Variants in GLYATL2 observed in about 807,000 individuals in gnomAD.
The protein encoded by GLYATL2 is glycine N-acyltransferase-like protein 2.
In GLYATL2, 25 loss-of-function variants were observed where a neutral mutation model predicts 21.4. That is an observed-to-expected ratio of 1.17 (90% CI 0.85 to 1.63). The LOEUF is 1.63. GLYATL2 is among the 40% of genes most tolerant of loss of function. The probability of loss-of-function intolerance (pLI) is 0.00; values close to 1 mark genes in which losing one functional copy is unlikely to be tolerated. For synonymous variants in GLYATL2, 114 were observed against 118.2 expected (o/e 0.96, Z 0.23); for missense variants, 361 against 343.3 (o/e 1.05, Z -0.41).
At chr11:58,861,899 G>T (rs1853938299) in intron 1 of GLYATL2, among the ~76,000 whole-genome samples, 1 of 151,926 alleles carries the variant, frequency 6.6e-6, no homozygotes, top group Non-Finnish European at 1.5e-5. Context: ...TAAATAATAT[G>T]ATTTCAGTAT....
At chr11:58,838,395 G>A in intron 2 of GLYATL2, 27 bp from the exon 3 acceptor site, 1 of 1,421,824 alleles carries the variant, frequency 7.0e-7, no homozygotes, top group East Asian at 2.3e-5. Context: ...CAAAGCAGGA[G>A]AGGATGAAGT....
intron 1 of GLYATL2, among the ~76,000 whole-genome samples, chr11:58,897,750 G>A (rs1339813745): frequency 2.0e-5 from 3 of 152,008 alleles, no homozygotes; most frequent in Admixed American, 2.0e-4. Flanking sequence ...TATATCTAAG[G>A]TAAAACTTTT....
At chr11:58,873,563 G>A (rs948784597) in intron 1 of GLYATL2, among the ~76,000 whole-genome samples, 7 of 152,104 alleles carry the variant, frequency 4.6e-5, no homozygotes, top group Admixed American at 1.3e-4. Flanking sequence ...TTTGTCTTTG[G>A]TTCTGTTTAT....
intron 1 of GLYATL2, chr11:58,878,498 G>C (rs1565102889): frequency 5.1e-6 from 1 of 197,012 alleles, no homozygotes; most frequent in African/African-American, 2.3e-5. Context: ...AATGGACTAG[G>C]TCTAGGAATG....
In GLYATL2 at chr11:58,853,560, T is replaced by A. The variant is rs566159130; in HGVS notation, n.61-15192A>T. Among the ~76,000 whole-genome samples the A allele has an allele frequency of 1.8e-3, 271 of 152,310 alleles. 2 individuals are homozygous for A. Among genetic ancestry groups the A allele is most frequent in the African/African-American group, 6.2e-3 (256 of 41,572 alleles). On this transcript the variant is annotated intron_variant and non_coding_transcript_variant, in intron 1 of 4. Transcript: ENST00000533636. ...ATATGTTTGGGTGGGCTCTGACACC[T>A]TTTAGAAAATCACGGCCAGGAGAAA... is the stretch of plus-strand genomic sequence containing the variant.
At position 58,837,024 on chromosome 11, in the gene GLYATL2, T is replaced by C. The variant is rs781405996; in HGVS notation, c.467A>G (p.Asp156Gly). Residue 156 changes from aspartate (D) to glycine (G), a missense_variant, in exon 5 of 6, where the codon GAT becomes GGT. Asp to Gly is a moderately conservative substitution (Grantham distance 94, BLOSUM62 -1). Coordinates refer to ENST00000287275, the MANE Select transcript of GLYATL2 (RefSeq NM_145016.4). ...AAAGGTAAAATCTCACTTGTTATCA[T>C]CATCCACTTCAAATAACTCCATCTT... is the stretch of plus-strand genomic sequence containing the variant. ...NDKMELFEVD[D>G]DNKEGNFSNM... 3 of 1,612,198 alleles carry C rather than the reference T, an allele frequency of 1.9e-6. No homozygotes were observed. The highest frequency in any genetic ancestry group is 2.5e-6 in the Non-Finnish European group (3 of 1,179,278).
chr11:58,860,438 T>C (rs1853911292), intron 1 of GLYATL2, among the ~76,000 whole-genome samples: 1 of 152,134 alleles, frequency 6.6e-6, no homozygotes, highest in African/African-American at 2.4e-5. Context: ...CACTGATTTA[T>C]GTATGTTCAT....
intron 1 of GLYATL2, among the ~76,000 whole-genome samples, chr11:58,841,953 GGAA>G (rs1272126916): frequency 6.6e-6 from 1 of 152,136 alleles, no homozygotes; most frequent in Non-Finnish European, 1.5e-5. Flanking sequence ...GACCAGGAAA[GGAA>G]GAAGAACATG....
upstream of GLYATL2, chr11:58,905,809 C>G: frequency 2.6e-6 from 1 of 383,894 alleles, no homozygotes; most frequent in South Asian, 1.9e-5. Context: ...GCGCGTGCGC[C>G]CAGGCGTGCA....
chr11:58,841,333 G>A (rs539988051), intron 1 of GLYATL2, among the ~76,000 whole-genome samples: 1 of 152,246 alleles, frequency 6.6e-6, no homozygotes, highest in Admixed American at 6.5e-5. Context: ...TCCTCCTCTG[G>A]CTATCTGGGT....
At chr11:58,864,533 A>G (rs1250365046) in intron 1 of GLYATL2, among the ~76,000 whole-genome samples, 2 of 149,002 alleles carry the variant, frequency 1.3e-5, no homozygotes, top group Non-Finnish European at 3.0e-5. Flanking sequence ...TCCAAACCAA[A>G]GTTCAGTGCT....
chr11:58,858,072 A>G (rs1853863363), intron 1 of GLYATL2, among the ~76,000 whole-genome samples: 1 of 152,234 alleles, frequency 6.6e-6, no homozygotes, highest in Admixed American at 6.5e-5. Flanking sequence ...GCTGTACAGT[A>G]TAAATTTTAA....
intron 1 of GLYATL2, among the ~76,000 whole-genome samples, chr11:58,883,765 G>A (rs549253010): frequency 6.6e-6 from 1 of 151,974 alleles, no homozygotes; most frequent in Non-Finnish European, 1.5e-5. Context: ...ACACAACAAA[G>A]AAAGAGAATT....
intron 1 of GLYATL2, among the ~76,000 whole-genome samples, chr11:58,889,335 G>A (rs7124207): frequency 0.95 from 144,644 of 151,992 alleles, 69,237 homozygotes; most frequent in East Asian, 1. Context: ...ACTGTACTCT[G>A]CAAACAAAGT....
chr11:58,885,544 A>C, intron 1 of GLYATL2: 1 of 450,278 alleles, frequency 2.2e-6, no homozygotes, highest in Non-Finnish European at 4.5e-6. Context: ...CAAAACAGGT[A>C]GGCACACAAA....
chr11:58,864,566 A>T (rs1310164244), intron 1 of GLYATL2, among the ~76,000 whole-genome samples: 2 of 148,738 alleles, frequency 1.3e-5, no homozygotes, highest in Admixed American at 6.9e-5. Flanking sequence ...CTTCTTCAAC[A>T]CAAAGGTTGC....
intron 1 of GLYATL2, among the ~76,000 whole-genome samples, chr11:58,859,687 T>C (rs1001065160): frequency 6.6e-6 from 1 of 152,188 alleles, no homozygotes; most frequent in Non-Finnish European, 1.5e-5. Context: ...CCAAAAATCA[T>C]TGCCCCAACT....
At chr11:58,839,713 A>T (rs1319117959) in intron 1 of GLYATL2, 61 bp from the exon 2 acceptor site, 2 of 759,996 alleles carry the variant, frequency 2.6e-6, no homozygotes, top group Admixed American at 4.9e-5. Context: ...TCCAGAAAGA[A>T]GAGGAAGGAG....
At chr11:58,891,024 T>G (rs1276509617) in intron 1 of GLYATL2, among the ~76,000 whole-genome samples, 1 of 152,188 alleles carries the variant, frequency 6.6e-6, no homozygotes, top group Admixed American at 6.5e-5. Flanking sequence ...TTTGAATATT[T>G]ACTTGGCCAT....
Sources: gnomAD v4.1 joint callset for allele counts (sites outside exome capture counted in the v4.1 genomes callset) on GRCh38, gnomAD v4.1.1 for gene constraint, MANE v1.5 for transcripts, NCBI Gene and HGNC (gene_info 2026-07-23, HGNC 2026-07-21) for gene names.